The following SIX3 variants were observed in gnomAD, a reference collection of about 807,000 sequenced individuals.
The protein encoded by SIX3 is homeobox protein SIX3.
In SIX3, 2 loss-of-function variants were observed where a neutral mutation model predicts 21.7. The ratio of observed to expected loss-of-function variants is 0.09; its 90% CI spans 0.04 to 0.29. The LOEUF is 0.29. Ranked by LOEUF, SIX3 falls within the 10% of genes least tolerant of loss-of-function variation. The probability of loss-of-function intolerance (pLI) is 1.00; values close to 1 mark genes in which losing one functional copy is unlikely to be tolerated. For missense variants in SIX3, 347 were observed against 480.7 expected, an observed-to-expected ratio of 0.72 and a Z score of 2.60; for synonymous variants, 243 against 220.6, an observed-to-expected ratio of 1.10 and a Z score of -0.90.
Position 44,942,152 on chromosome 2 carries a change from G to A in SIX3, c.48G>A (p.Leu16=), listed in dbSNP as rs1354320200. ...PLDLYSSHFL[L]PNFADSHHRS... ...ACCTCTATTCCTCCCACTTCTTGTT[G>A]CCAAACTTCGCCGATTCTCACCACC... Residue 16 remains leucine (L), a synonymous_variant, in exon 1 of 2, where the codon TTG becomes TTA. Coordinates refer to ENST00000260653, the MANE Select transcript of SIX3 (RefSeq NM_005413.4). This position sits in a 1 kb window ranked among gnomAD's most constrained non-coding sequence, Gnocchi z 8.4. 23 of 1,598,002 alleles carry A rather than the reference G, an allele frequency of 1.4e-5. No homozygotes were observed. Among genetic ancestry groups the A allele is most frequent in the Non-Finnish European group, 2.0e-5 (23 of 1,179,390 alleles).
rs1301428255 is a variant in SIX3, at chr2:44,945,044, A to C, written c.*284A>C. 5.6e-6 allele frequency: 3 copies of C among 539,410 alleles called. No homozygotes were observed. The highest frequency in any genetic ancestry group is 1.0e-5 in the Non-Finnish European group (3 of 299,934). 33.4% of individuals were successfully genotyped at this position (539,410 alleles called of 1,614,324 possible). ...CCAAAGGACCCCGACGCCAACAGACAGTCAAACGCTGATGTTGCGGGCAGA... is the reference window on the plus strand; with the variant it reads ...CCAAAGGACCCCGACGCCAACAGACCGTCAAACGCTGATGTTGCGGGCAGA... On this transcript the variant is annotated 3_prime_UTR_variant, in exon 2 of 2. Coordinates refer to ENST00000260653, the MANE Select transcript of SIX3 (RefSeq NM_005413.4).
rs559640712 is a variant in SIX3, at chr2:44,942,090, C to G, written c.-15C>G. On this transcript the variant is annotated 5_prime_UTR_variant, in exon 1 of 2. Coordinates refer to ENST00000260653, the MANE Select transcript of SIX3 (RefSeq NM_005413.4). This position sits in a 1 kb window ranked among gnomAD's most constrained non-coding sequence, Gnocchi z 8.4. ...TCCTCTCCCTGAATTTTCTCCTCTC[C>G]TCTCAGGTCAGTCCATGGTATTCCG... The G allele has an allele frequency of 6.9e-6, 11 of 1,584,246 alleles. No individual in the cohort carries two copies. The highest frequency in any genetic ancestry group is 9.4e-6 in the Non-Finnish European group (11 of 1,169,396).
Position 44,945,610 on chromosome 2 carries a change from T to C in SIX3, c.*850T>C, listed in dbSNP as rs527290635. ...TGTGGAAAAAGAATAGTTATGACTGTAACAGATTTTTATTTTTATTTCAAA... is the reference window on the plus strand; with the variant it reads ...TGTGGAAAAAGAATAGTTATGACTGCAACAGATTTTTATTTTTATTTCAAA... On this transcript the variant is annotated 3_prime_UTR_variant, in exon 2 of 2. Transcript: ENST00000260653. 2 of 152,366 alleles carry C rather than the reference T, an allele frequency of 1.3e-5. No individual in the cohort carries two copies. Among genetic ancestry groups the C allele is most frequent in the South Asian group, 4.1e-4 (2 of 4,832 alleles). The allele number at this position is 152,366 out of a possible 1,614,324, so 9.4% of individuals were successfully genotyped here. A position where few individuals can be genotyped will look rare whatever the true frequency, so the allele number is the denominator to read the frequency against.
chr2:44,945,952 A>G lies in SIX3; in HGVS notation c.*1192A>G, dbSNP rs1233273108. On this transcript the variant is annotated 3_prime_UTR_variant, in exon 2 of 2. Transcript: ENST00000260653. ...GCAAAAGCTATTTCCAGTATTTCTT[A>G]GCAGCTTCAGAGGTATCTCTCACTC... is the stretch of plus-strand genomic sequence containing the variant. 1 of 152,270 alleles carries G rather than the reference A, an allele frequency of 6.6e-6. No homozygotes were observed. The highest frequency in any genetic ancestry group is 1.5e-5 in the Non-Finnish European group (1 of 68,054). The allele number at this position is 152,270 out of a possible 1,614,324, so 9.4% of individuals were successfully genotyped here.
At chr2:44,943,784 A>G (rs1666633704) in intron 1 of SIX3, among the ~76,000 whole-genome samples, 1 of 152,214 alleles carries the variant, frequency 6.6e-6, no homozygotes, top group Admixed American at 6.5e-5. Context: ...CCAGCCAGGA[A>G]GGCCCAGGGC....
At position 44,944,692 on chromosome 2, in the gene SIX3, A is replaced by C. The variant is rs1234997319; in HGVS notation, c.931A>C (p.Thr311Pro). The C allele has an allele frequency of 6.3e-7, 1 of 1,586,320 alleles. No homozygotes were observed. The highest frequency in any genetic ancestry group is 1.3e-5 in the African/African-American group (1 of 74,574). Reference sequence around the variant, plus strand: ...CCCGACCACCAGCGTGTCCAGCCTGACGGAGCGCGCAGACACCGGCACCTC... The same window carrying C: ...CCCGACCACCAGCGTGTCCAGCCTGCCGGAGCGCGCAGACACCGGCACCTC... Reference protein sequence around the residue: ...ASPTTSVSSLTERADTGTSIL... With the variant: ...ASPTTSVSSLPERADTGTSIL... The change falls in exon 2 of 2, where the codon ACG (threonine) becomes CCG (proline). Residue 311 changes from threonine (T) to proline (P), a missense_variant. This residue lies in a region of SIX3 where 110 missense variants were observed against 93.3 expected (regional missense o/e 1.18). Coordinates refer to ENST00000260653, the MANE Select transcript of SIX3 (RefSeq NM_005413.4).
At chr2:44,943,673 G>A (rs1369183273) in intron 1 of SIX3, among the ~76,000 whole-genome samples, 1 of 152,246 alleles carries the variant, frequency 6.6e-6, no homozygotes, top group Non-Finnish European at 1.5e-5. Context: ...AAAAGAACCA[G>A]AGGGAAAGAA....
chr2:44,943,196 C>A (rs1666614917), intron 1 of SIX3, among the ~76,000 whole-genome samples: 3 of 152,250 alleles, frequency 2.0e-5, no homozygotes, highest in Non-Finnish European at 2.9e-5. Flanking sequence ...TGCACCCGTG[C>A]CTGCCTCCTC....
In SIX3 at chr2:44,942,423, C is replaced by A. The variant is rs965206809; in HGVS notation, c.319C>A (p.Arg107=). Residue 107 remains arginine (R), a synonymous_variant, in exon 1 of 2, where the codon CGG becomes AGG. Transcript: ENST00000260653. This position sits in a 1 kb window ranked among gnomAD's most constrained non-coding sequence, Gnocchi z 8.4. ...GCTGGAGGAGACGGGCGACATCGAG[C>A]GGCTGGGCCGCTTCCTCTGGTCGCT... is the stretch of plus-strand genomic sequence containing the variant. ...ETLEETGDIE[R]LGRFLWSLPV... 1.4e-5 allele frequency: 22 copies of A among 1,597,510 alleles called. No homozygotes were observed. Among genetic ancestry groups the A allele is most frequent in the African/African-American group, 4.0e-5 (3 of 74,908 alleles).
intron 1 of SIX3, among the ~76,000 whole-genome samples, chr2:44,944,329 C>A (rs968015102): frequency 2.0e-5 from 3 of 152,324 alleles, no homozygotes; most frequent in Non-Finnish European, 4.4e-5. Context: ...CCAGGGACTG[C>A]GGAGGGAAGA....
rs1460056891 is a variant in SIX3, at chr2:44,942,534, A to G, written c.430A>G (p.Asn144Asp). 7 of 1,598,482 alleles carry G rather than the reference A, an allele frequency of 4.4e-6. No homozygotes were observed. Among genetic ancestry groups the G allele is most frequent in the South Asian group, 2.2e-5 (2 of 91,002 alleles). The part of the protein sequence containing the change: ...ARAVVAFHTG[N>D]FRDLYHILEN... Reference sequence around the variant, plus strand: ...CGCCGTGGTCGCCTTCCACACGGGCAACTTCCGCGACCTCTACCACATCCT... The same window carrying G: ...CGCCGTGGTCGCCTTCCACACGGGCGACTTCCGCGACCTCTACCACATCCT... The change falls in exon 1 of 2, where the codon AAC becomes GAC. Residue 144 changes from asparagine (N) to aspartate (D), a missense_variant. Asn to Asp is a conservative substitution (Grantham distance 23). Transcript: ENST00000260653. This position sits in a 1 kb window ranked among gnomAD's most constrained non-coding sequence, Gnocchi z 8.4.
In SIX3 at chr2:44,942,328, A is replaced by C; in HGVS notation, c.224A>C (p.Glu75Ala). The change falls in exon 1 of 2, where the codon GAA (glutamate) becomes GCA (alanine). Residue 75 changes from glutamate (E) to alanine (A), a missense_variant. This residue lies in a region of SIX3 where 105 missense variants were observed against 116.1 expected (regional missense o/e 0.90). Coordinates refer to ENST00000260653, the MANE Select transcript of SIX3 (RefSeq NM_005413.4). This position sits in a 1 kb window ranked among gnomAD's most constrained non-coding sequence, Gnocchi z 8.4. ...GGGGGSRAPPEELSMFQLPTL... is the reference protein window; with the variant it reads ...GGGGGSRAPPAELSMFQLPTL... ...GGCGGCGGCTCCAGGGCCCCCCCGG[A>C]AGAGTTGTCCATGTTCCAGCTGCCC... 1.3e-6 allele frequency: 2 copies of C among 1,593,998 alleles called. No homozygotes were observed. Among genetic ancestry groups the C allele is most frequent in the Non-Finnish European group, 1.7e-6 (2 of 1,177,914 alleles).
At chr2:44,943,451 G>A (rs531204369) in intron 1 of SIX3, among the ~76,000 whole-genome samples, 4 of 152,370 alleles carry the variant, frequency 2.6e-5, no homozygotes, top group African/African-American at 9.6e-5. Context: ...AGCCGGGCTG[G>A]GAGTGGAGAG....
Position 44,945,667 on chromosome 2 carries a change from C to A in SIX3, c.*907C>A, listed in dbSNP as rs533152027. The A allele has an allele frequency of 6.6e-6, 1 of 152,154 alleles. No individual in the cohort carries two copies. Among genetic ancestry groups the A allele is most frequent in the African/African-American group, 2.4e-5 (1 of 41,438 alleles). The allele number at this position is 152,154 out of a possible 1,614,324, so 9.4% of individuals were successfully genotyped here. A position where few individuals can be genotyped will look rare whatever the true frequency, so the allele number is the denominator to read the frequency against. ...TATGAATTATGTATATCTTAATGAT[C>A]GGTCATTTTCCCAGTTTGTAATATA... On this transcript the variant is annotated 3_prime_UTR_variant, in exon 2 of 2. Transcript: ENST00000260653.
chr2:44,943,440 G>C (rs755209383), intron 1 of SIX3, among the ~76,000 whole-genome samples: 2 of 152,244 alleles, frequency 1.3e-5, no homozygotes, highest in Admixed American at 6.5e-5. Flanking sequence ...GGGAGCAGGA[G>C]AGCCGGGCTG....
At position 44,942,584 on chromosome 2, in the gene SIX3, G is replaced by T; in HGVS notation, c.480G>T (p.Glu160Asp). 6.3e-7 allele frequency: 1 copy of T among 1,598,532 alleles called. No individual in the cohort carries two copies. Among genetic ancestry groups the T allele is most frequent in the Non-Finnish European group, 8.5e-7 (1 of 1,179,672 alleles). ...TTGAGAACCACAAGTTCACCAAGGA[G>T]TCTCACGGCAAGCTGCAGGCCATGT... ...HILENHKFTKESHGKLQAMWL... is the reference protein window; with the variant it reads ...HILENHKFTKDSHGKLQAMWL... The change falls in exon 1 of 2, where the codon GAG (glutamate) becomes GAT (aspartate). Residue 160 changes from glutamate (E) to aspartate (D), a missense_variant. Physicochemically the swap from Glu to Asp is conservative, Grantham distance 45. Transcript: ENST00000260653. The surrounding 1 kb of genome is among the most constrained non-coding windows in gnomAD (Gnocchi z 8.4).
intron 1 of SIX3, among the ~76,000 whole-genome samples, chr2:44,943,958 C>G (rs1331940574): frequency 6.6e-6 from 1 of 152,184 alleles, no homozygotes; most frequent in African/African-American, 2.4e-5. Context: ...ATGAGGGGAG[C>G]GCCCAGGGTC....
Position 44,941,994 on chromosome 2 carries a change from C to A in SIX3, c.-111C>A. 1.4e-6 allele frequency: 1 copy of A among 731,850 alleles called. No individual in the cohort carries two copies. The allele number at this position is 731,850 out of a possible 1,614,324, so 45.3% of individuals were successfully genotyped here. ...TCCTGCTCCCCCCTCCTTTCCTTCT[C>A]CTCCTCCCCCCTCTCCTCTCCCTCC... On this transcript the variant is annotated 5_prime_UTR_variant, in exon 1 of 2. Coordinates refer to ENST00000260653, the MANE Select transcript of SIX3 (RefSeq NM_005413.4).
rs1256290558 is a variant in SIX3, at chr2:44,944,699, G to A, written c.938G>A (p.Arg313His). The A allele has an allele frequency of 1.3e-6, 2 of 1,588,086 alleles. No individual in the cohort carries two copies. The highest frequency in any genetic ancestry group is 1.7e-6 in the Non-Finnish European group (2 of 1,174,772). Residue 313 changes from arginine (R) to histidine (H), a missense_variant, in exon 2 of 2, where the codon CGC (arginine) becomes CAC (histidine). Coordinates refer to ENST00000260653, the MANE Select transcript of SIX3 (RefSeq NM_005413.4). ...PTTSVSSLTE[R>H]ADTGTSILSV... ...ACCAGCGTGTCCAGCCTGACGGAGC[G>A]CGCAGACACCGGCACCTCCATCCTC...
Sources: gnomAD v4.1 joint callset for allele counts (sites outside exome capture counted in the v4.1 genomes callset) on GRCh38, gnomAD v4.1.1 for gene constraint, gnomAD v4.1.1 regional missense constraint, Gnocchi (gnomAD v3.1) non-coding constraint, MANE v1.5 for transcripts, NCBI Gene and HGNC (gene_info 2026-07-23, HGNC 2026-07-21) for gene names.